The following CELSR1 variants were observed in gnomAD, a reference collection of about 807,000 sequenced individuals.
The protein encoded by CELSR1 is cadherin EGF LAG seven-pass G-type receptor 1, also known as adhesion G protein-coupled receptor C1.
In CELSR1, 110 loss-of-function variants were observed where a neutral mutation model predicts 249.1. That is an observed-to-expected ratio of 0.44 (90% CI 0.38 to 0.52). CELSR1 has a LOEUF of 0.52. CELSR1 is among the 20% of genes least tolerant of loss of function. CELSR1 has a pLI of 0.00. For missense variants in CELSR1, 4,109 were observed against 4,296.4 expected, an observed-to-expected ratio of 0.96 and a Z score of 1.22; for synonymous variants, 2,113 against 1,900.0, an observed-to-expected ratio of 1.11 and a Z score of -2.92.
intron 2 of CELSR1, among the ~76,000 whole-genome samples, chr22:46,461,423 G>T (rs919232457): frequency 6.6e-6 from 1 of 152,178 alleles, no homozygotes; most frequent in Non-Finnish European, 1.5e-5. Context: ...ATCTTCAGAG[G>T]GGATCTGCTG....
rs2147481162 is a variant in CELSR1, at chr22:46,441,531, G to C, written c.4184-2120C>G. 6.6e-6 allele frequency among the ~76,000 whole-genome samples: 1 copy of C among 152,280 alleles called. No homozygotes were observed. Among genetic ancestry groups the C allele is most frequent in the South Asian group, 2.1e-4 (1 of 4,822 alleles). The stretch of plus-strand genomic sequence containing the variant: ...TTATACAACAGACACTTACTTCCCA[G>C]AGCTCTGGAGGTTGGAAGCCCAACA... On this transcript the variant is annotated intron_variant, in intron 2 of 34. Transcript: ENST00000674500. The surrounding 1 kb of genome is among the most constrained non-coding windows in gnomAD (Gnocchi z 6.1).
Position 46,454,511 on chromosome 22 carries a change from G to A in CELSR1, c.4183+9196C>T, listed in dbSNP as rs918768680. Among the ~76,000 whole-genome samples the A allele has an allele frequency of 2.0e-5, 3 of 152,216 alleles. No homozygotes were observed. The highest frequency in any genetic ancestry group is 1.3e-4 in the Admixed American group (2 of 15,282). On this transcript the variant is annotated intron_variant, in intron 2 of 34. Transcript: ENST00000674500. This position sits in a 1 kb window ranked among gnomAD's most constrained non-coding sequence, Gnocchi z 5.1. ...ACAGCACAGACTTCGAAGTCACGGG[G>A]AACGGCGTGTGCTTTAAACCACAGC...
At chr22:46,369,551 C>T in intron 26 of CELSR1, 141 bp downstream of exon 26, 1 of 718,828 alleles carries the variant, frequency 1.4e-6, no homozygotes, top group Non-Finnish European at 2.3e-6. Context: ...GCCCTGGCGG[C>T]TTTGCTGACT....
At chr22:46,476,036 T>C (rs1291388257) in intron 1 of CELSR1, among the ~76,000 whole-genome samples, 1 of 152,142 alleles carries the variant, frequency 6.6e-6, no homozygotes, top group Non-Finnish European at 1.5e-5. Context: ...GTTGAGCAAG[T>C]GCATTCTTGT....
At chr22:46,421,932 C>A (rs962732833) in intron 5 of CELSR1, among the ~76,000 whole-genome samples, 1 of 152,224 alleles carries the variant, frequency 6.6e-6, no homozygotes, top group Non-Finnish European at 1.5e-5. Flanking sequence ...AAACACGGAA[C>A]TTCCTATGAG....
intron 32 of CELSR1, 66 bp from the exon 33 acceptor site, chr22:46,364,802 A>G: frequency 3.3e-6 from 5 of 1,493,028 alleles, no homozygotes; most frequent in Non-Finnish European, 4.5e-6. Flanking sequence ...CTTGAGAGCC[A>G]TGGGTCTGGT....
At position 46,386,508 on chromosome 22, in the gene CELSR1, G is replaced by A. The variant is rs200411549; in HGVS notation, c.6633C>T (p.Gly2211=). 134 of 1,597,330 alleles carry A rather than the reference G, an allele frequency of 8.4e-5. No homozygotes were observed. The highest frequency in any genetic ancestry group is 1.8e-4 in the Middle Eastern group (1 of 5,638). ...AAWEQIQRSE[G]GTAQLLRRLE... is the part of the protein sequence containing the mutation. ...GGCGCCGGAGCAGCTGTGCCGTGCC[G>A]CCCTCGCTCCGCTGGATCTGCTCCC... Residue 2211 remains glycine, a synonymous_variant, in exon 19 of 35, where the codon GGC becomes GGT. Coordinates refer to ENST00000674500, the MANE Select transcript of CELSR1 (RefSeq NM_001378328.1).
chr22:46,537,108 C>T lies in CELSR1; in HGVS notation c.63G>A (p.Leu21=). The T allele has an allele frequency of 9.6e-7, 1 of 1,039,076 alleles. No homozygotes were observed. The highest frequency in any genetic ancestry group is 1.2e-6 in the Non-Finnish European group (1 of 868,040). 64.4% of individuals were successfully genotyped at this position (1,039,076 alleles called of 1,614,324 possible). ...VLLLLAAAAA[L]PAMGLRAAAW... is the part of the protein sequence containing the mutation. ...CGGCCGCTCGCAGCCCCATCGCCGG[C>T]AGGGCGGCGGCGGCGGCCAGGAGCA... The change falls in exon 1 of 35, where the codon CTG becomes CTA. Residue 21 remains leucine (L), a synonymous_variant. Transcript: ENST00000674500. The surrounding 1 kb of genome is among the most constrained non-coding windows in gnomAD (Gnocchi z 5.8).
Position 46,430,959 on chromosome 22 carries a change from G to T in CELSR1, c.4611+2434C>A, listed in dbSNP as rs1054396683. ...GGCCCCGTCAGACCTCCTAATGGAC[G>T]CCTGAAGACACAGTAAAAACTGGTT... On this transcript the variant is annotated intron_variant, in intron 5 of 34. Transcript: ENST00000674500. The surrounding 1 kb of genome is among the most constrained non-coding windows in gnomAD (Gnocchi z 4.6). Among the ~76,000 whole-genome samples, 6 of 152,166 alleles carry T rather than the reference G, an allele frequency of 3.9e-5. No individual in the cohort carries two copies. Among genetic ancestry groups the T allele is most frequent in the Non-Finnish European group, 8.8e-5 (6 of 68,020 alleles).
intron 5 of CELSR1, among the ~76,000 whole-genome samples, chr22:46,432,663 T>C (rs1183500377): frequency 6.6e-6 from 1 of 152,210 alleles, no homozygotes; most frequent in Non-Finnish European, 1.5e-5. Context: ...CACCCAGCCT[T>C]CACGGCACTT....
In CELSR1 at chr22:46,506,220, A is replaced by C. The variant is rs370823217; in HGVS notation, c.3544+27407T>G. ...AAAAAGAAAGAAAGACAGAAAAGAA[A>C]CTACTGACTACTGACGGATTGCTGG... On this transcript the variant is annotated intron_variant, in intron 1 of 34. Coordinates refer to ENST00000674500, the MANE Select transcript of CELSR1 (RefSeq NM_001378328.1). This position sits in a 1 kb window ranked among gnomAD's most constrained non-coding sequence, Gnocchi z 4.1. Among the ~76,000 whole-genome samples, 29 of 151,874 alleles carry C rather than the reference A, an allele frequency of 1.9e-4. No individual in the cohort carries two copies. In the South Asian group the frequency reaches 4.4e-3, roughly 23 times the overall value.
chr22:46,391,551 G>A lies in CELSR1; in HGVS notation c.6148+82C>T. On this transcript the variant is annotated intron_variant, in intron 15 of 34. Transcript: ENST00000674500. The surrounding 1 kb of genome is among the most constrained non-coding windows in gnomAD (Gnocchi z 4.3). ...GAGCCCAGGGTCCCCCAAACACCCAGCGTGCATGCACACACGTGCACGCCA... is the reference window on the plus strand; with the variant it reads ...GAGCCCAGGGTCCCCCAAACACCCAACGTGCATGCACACACGTGCACGCCA... The A allele has an allele frequency of 7.0e-7, 1 of 1,420,716 alleles. No homozygotes were observed. Among genetic ancestry groups the A allele is most frequent in the Non-Finnish European group, 9.3e-7 (1 of 1,076,384 alleles). 88.0% of individuals were successfully genotyped at this position (1,420,716 alleles called of 1,614,324 possible).
chr22:46,449,962 G>A (rs2079864446), intron 2 of CELSR1, among the ~76,000 whole-genome samples: 2 of 152,106 alleles, frequency 1.3e-5, no homozygotes, highest in South Asian at 4.1e-4. Context: ...GCACTCACAT[G>A]CTCACACACA....
At position 46,389,375 on chromosome 22, in the gene CELSR1, T is replaced by C; in HGVS notation, c.6470A>G (p.Tyr2157Cys). The C allele has an allele frequency of 1.2e-6, 2 of 1,611,090 alleles. No individual in the cohort carries two copies. Among genetic ancestry groups the C allele is most frequent in the Non-Finnish European group, 1.7e-6 (2 of 1,179,874 alleles). ...CTGAAGGACGTGGCCCAGCAGCTGG[T>C]AGGCCGTGCGCACGTCATTGCCAAA... ...TLFGNDVRTA[Y>C]QLLGHVLQHE... Residue 2157 changes from tyrosine to cysteine, a missense_variant, in exon 18 of 35, where the codon TAC becomes TGC. Around this residue, in one of 7 missense-constraint regions of CELSR1, gnomAD observed 1,805 missense variants for 1,831.6 expected, o/e 0.99. Coordinates refer to ENST00000674500, the MANE Select transcript of CELSR1 (RefSeq NM_001378328.1).
intron 14 of CELSR1, among the ~76,000 whole-genome samples, chr22:46,392,860 A>G (rs77320597): frequency 0.011 from 1,716 of 152,178 alleles, 31 homozygotes; most frequent in African/African-American, 0.039. Flanking sequence ...CGCCCTGCCT[A>G]TAACTTTGGA....
At chr22:46,371,590 A>T (rs1041048922) in intron 25 of CELSR1, among the ~76,000 whole-genome samples, 3 of 151,388 alleles carry the variant, frequency 2.0e-5, no homozygotes, top group African/African-American at 7.3e-5. Flanking sequence ...CCATTTACTC[A>T]TTTCATTGTC....
chr22:46,517,889 C>CA lies in CELSR1; in HGVS notation c.3544+15737dup, dbSNP rs1304967283. 7.0e-6 allele frequency among the ~76,000 whole-genome samples: 1 copy of CA among 142,488 alleles called. No homozygotes were observed. Among genetic ancestry groups the CA allele is most frequent in the Non-Finnish European group, 1.5e-5 (1 of 66,202 alleles). 93.5% of individuals were successfully genotyped at this position (142,488 alleles called of 152,430 possible). A position where few individuals can be genotyped will look rare whatever the true frequency, so the allele number is the denominator to read the frequency against. On this transcript the variant is annotated intron_variant, in intron 1 of 34. Transcript: ENST00000674500. This position sits in a 1 kb window ranked among gnomAD's most constrained non-coding sequence, Gnocchi z 5.4. ...CATATTCTGTTTATTACACACCTCC[C>CA]ACGGTGTCCCCTTCCTTTTTTTTTT... is the stretch of plus-strand genomic sequence containing the variant.
chr22:46,415,213 G>A (rs2147352865), intron 5 of CELSR1, among the ~76,000 whole-genome samples: 1 of 152,272 alleles, frequency 6.6e-6, no homozygotes, highest in African/African-American at 2.4e-5. Context: ...GCCGTGGCAT[G>A]ATCTCGGCTC....
Position 46,367,752 on chromosome 22 carries a change from A to G in CELSR1, c.8056T>C (p.Phe2686Leu). ...NRDALSFHYL[F>L]AIFSGLQGPF... ...ACCTGTAAGCCGCTGAAGATGGCGA[A>G]GAGGTAGTGAAAGCTCAGTGCATCG... The change falls in exon 28 of 35, where the codon TTC becomes CTC. Residue 2686 changes from phenylalanine (F) to leucine (L), a missense_variant. Transcript: ENST00000674500. 6.2e-7 allele frequency: 1 copy of G among 1,606,124 alleles called. No homozygotes were observed. The highest frequency in any genetic ancestry group is 8.5e-7 in the Non-Finnish European group (1 of 1,177,410).
Sources: allele counts gnomAD v4.1 joint callset (sites outside exome capture counted in the v4.1 genomes callset), GRCh38; gene constraint gnomAD v4.1.1; regional missense constraint gnomAD v4.1.1; non-coding constraint Gnocchi (gnomAD v3.1); transcripts MANE v1.5; gene names NCBI Gene and HGNC (gene_info 2026-07-23, HGNC 2026-07-21).